The following CAMK4 variants were observed in gnomAD, a reference collection of about 807,000 sequenced individuals.
The protein encoded by CAMK4 is calcium/calmodulin dependent protein kinase IV.
Under a neutral mutation model 44.9 loss-of-function variants are expected in CAMK4, and 22 were observed. That is an observed-to-expected ratio of 0.49 (90% CI 0.35 to 0.70). CAMK4 has a LOEUF of 0.70. Ranked by LOEUF, CAMK4 falls within the 30% of genes least tolerant of loss-of-function variation. The probability of loss-of-function intolerance (pLI) is 0.01; values close to 1 mark genes in which losing one functional copy is unlikely to be tolerated. For synonymous variants in CAMK4, 218 were observed against 215.4 expected (o/e 1.01, Z -0.11); for missense variants, 498 against 586.8 (o/e 0.85, Z 1.56).
At position 111,442,382 on chromosome 5, in the gene CAMK4, A is replaced by G. The variant is rs1444806496; in HGVS notation, c.460-4304A>G. 4.6e-5 allele frequency among the ~76,000 whole-genome samples: 7 copies of G among 152,228 alleles called. No individual in the cohort carries two copies. In the East Asian group the frequency reaches 1.4e-3, roughly 29 times the overall value. ...CATGGTGGCGCGTGCCTGTTGTCCC[A>G]GGCACTCGGAAGGCTGAGGCAGAAG... On this transcript the variant is annotated intron_variant, in intron 5 of 10. Coordinates refer to ENST00000282356, the MANE Select transcript of CAMK4 (RefSeq NM_001744.6).
Position 111,374,913 on chromosome 5 carries a change from G to A in CAMK4, c.303+1G>A. The A allele has an allele frequency of 6.2e-7, 1 of 1,606,452 alleles. No homozygotes were observed. The highest frequency in any genetic ancestry group is 8.5e-7 in the Non-Finnish European group (1 of 1,173,640). ...TCTTCGCCTCTCACATCCAAACATTGTAAGTGGTTTTTAACCTACTATTTC... is the reference window on the plus strand; with the variant it reads ...TCTTCGCCTCTCACATCCAAACATTATAAGTGGTTTTTAACCTACTATTTC... On this transcript the variant is annotated splice_donor_variant, in intron 3 of 10. Coordinates refer to ENST00000282356, the MANE Select transcript of CAMK4 (RefSeq NM_001744.6). LOFTEE classifies it high-confidence loss of function.
At chr5:111,278,964 G>T (rs1750885842) in intron 1 of CAMK4, among the ~76,000 whole-genome samples, 1 of 152,148 alleles carries the variant, frequency 6.6e-6, no homozygotes, top group African/African-American at 2.4e-5. Context: ...TGGCGGTAGG[G>T]TACCGCAATA....
chr5:111,352,085 C>T (rs886405546), intron 2 of CAMK4, among the ~76,000 whole-genome samples: 3 of 152,062 alleles, frequency 2.0e-5, no homozygotes, highest in Non-Finnish European at 4.4e-5. Flanking sequence ...CTCCCCAAGG[C>T]CCATCTCCAA....
intron 2 of CAMK4, 118 bp from the exon 3 acceptor site, chr5:111,374,732 A>G: frequency 3.0e-6 from 2 of 658,180 alleles, no homozygotes; most frequent in South Asian, 1.8e-5. Context: ...CACAAAAGCT[A>G]AGGAATTAGG....
intron 1 of CAMK4, among the ~76,000 whole-genome samples, chr5:111,308,433 A>G (rs1748037804): frequency 6.6e-6 from 1 of 152,206 alleles, no homozygotes; most frequent in Non-Finnish European, 1.5e-5. Context: ...TGTTTTATGA[A>G]ATAATTGATC....
At chr5:111,264,603 A>G (rs1750147478) in intron 1 of CAMK4, among the ~76,000 whole-genome samples, 1 of 152,180 alleles carries the variant, frequency 6.6e-6, no homozygotes, top group Non-Finnish European at 1.5e-5. Flanking sequence ...GATGTGATTC[A>G]GTACTGAGGA....
At chr5:111,414,031 C>A (rs1405668327) in intron 5 of CAMK4, among the ~76,000 whole-genome samples, 1 of 152,042 alleles carries the variant, frequency 6.6e-6, no homozygotes. Context: ...CACTATATAT[C>A]AAAACTTTTA....
In CAMK4 at chr5:111,344,104, T is replaced by C; in HGVS notation, c.240+2T>C. ...GCTCTCAAAGTGTTAAAGAAAACAG[T>C]AAGTTTATTTCTTATATAATGGCAT... On this transcript the variant is annotated splice_donor_variant, in intron 2 of 10. Coordinates refer to ENST00000282356, the MANE Select transcript of CAMK4 (RefSeq NM_001744.6). LOFTEE classifies it high-confidence loss of function. The C allele has an allele frequency of 6.4e-7, 1 of 1,565,620 alleles. No individual in the cohort carries two copies. Among genetic ancestry groups the C allele is most frequent in the Non-Finnish European group, 8.8e-7 (1 of 1,137,128 alleles).
intron 5 of CAMK4, among the ~76,000 whole-genome samples, chr5:111,419,483 A>G (rs1212461513): frequency 6.6e-6 from 1 of 152,034 alleles, no homozygotes; most frequent in African/African-American, 2.4e-5. Context: ...TTTTGTTGCC[A>G]TTGCTTTTGG....
intron 5 of CAMK4, among the ~76,000 whole-genome samples, chr5:111,434,178 A>T (rs951483468): frequency 6.6e-6 from 1 of 151,970 alleles, no homozygotes; most frequent in Non-Finnish European, 1.5e-5. Flanking sequence ...CTGTAGTCCC[A>T]ACTACTCGGA....
chr5:111,445,919 T>C (rs557746008), intron 5 of CAMK4, among the ~76,000 whole-genome samples: 27 of 152,260 alleles, frequency 1.8e-4, no homozygotes, highest in Non-Finnish European at 3.4e-4. Flanking sequence ...TTCAAACTGA[T>C]GAGGGATTAC....
In CAMK4 at chr5:111,424,955, C is replaced by T. The variant is rs183029222; in HGVS notation, c.460-21731C>T. Among the ~76,000 whole-genome samples, 995 of 151,878 alleles carry T rather than the reference C, an allele frequency of 6.6e-3. 10 individuals carry two copies. The highest frequency in any genetic ancestry group is 0.022 in the African/African-American group (924 of 41,478). On this transcript the variant is annotated intron_variant, in intron 5 of 10. Transcript: ENST00000282356. ...GAGGTGGGCAGATCACCTGAGGTCA[C>T]GAGTTCAAGACCAGCCTGGCCAACA... is the stretch of plus-strand genomic sequence containing the variant.
At chr5:111,369,845 G>A (rs1296577959) in intron 2 of CAMK4, among the ~76,000 whole-genome samples, 1 of 152,076 alleles carries the variant, frequency 6.6e-6, no homozygotes, top group Admixed American at 6.6e-5. Context: ...GTAAACAGTT[G>A]TTATACTGTA....
chr5:111,371,787 T>C (rs1751014531), intron 2 of CAMK4, among the ~76,000 whole-genome samples: 1 of 152,190 alleles, frequency 6.6e-6, no homozygotes, highest in Non-Finnish European at 1.5e-5. Flanking sequence ...CAGTAAATTA[T>C]TTATCCCAGT....
chr5:111,416,393 G>T (rs896854445), intron 5 of CAMK4: 11 of 151,944 alleles, frequency 7.2e-5, no homozygotes, highest in Non-Finnish European at 1.3e-4. Context: ...AACACATATT[G>T]CTTTTAATAA....
chr5:111,483,119 T>C (rs1435688040), intron 10 of CAMK4, among the ~76,000 whole-genome samples, 182 bp downstream of exon 10: 1 of 152,208 alleles, frequency 6.6e-6, no homozygotes, highest in African/African-American at 2.4e-5. Context: ...AGTTTTCTTA[T>C]ACTCTCATAA....
At chr5:111,469,780 C>T (rs1478083836) in intron 7 of CAMK4, among the ~76,000 whole-genome samples, 1 of 152,130 alleles carries the variant, frequency 6.6e-6, no homozygotes, top group Non-Finnish European at 1.5e-5. Context: ...TGTTCTTGTC[C>T]TCTCTTCTTG....
chr5:111,441,029 G>A (rs2112959644), intron 5 of CAMK4, among the ~76,000 whole-genome samples: 1 of 152,144 alleles, frequency 6.6e-6, no homozygotes, highest in Middle Eastern at 3.4e-3. Context: ...AGAAAACCGA[G>A]GCTTAGAGGA....
chr5:111,233,932 T>G (rs1477494544), intron 1 of CAMK4, among the ~76,000 whole-genome samples: 2 of 152,192 alleles, frequency 1.3e-5, no homozygotes, highest in African/African-American at 4.8e-5. Flanking sequence ...TGTAATACAA[T>G]GAGGTGCTAG....
Sources: allele counts gnomAD v4.1 joint callset (sites outside exome capture counted in the v4.1 genomes callset), GRCh38; gene constraint gnomAD v4.1.1; transcripts MANE v1.5; gene names NCBI Gene and HGNC (gene_info 2026-07-23, HGNC 2026-07-21).